The following BCL6B variants were observed in gnomAD, a reference collection of about 807,000 sequenced individuals.
The protein encoded by BCL6B is B-cell CLL/lymphoma 6 member B protein.
In BCL6B, 28 loss-of-function variants were observed where a neutral mutation model predicts 44.6. The observed-to-expected ratio is 0.63, with a 90% CI of 0.47 to 0.86. BCL6B has a LOEUF of 0.86. Ranked by LOEUF, BCL6B falls within the 40% of genes least tolerant of loss-of-function variation. The pLI, the probability that BCL6B is intolerant of heterozygous loss-of-function variation, is 0.00. For synonymous variants in BCL6B, 268 were observed against 263.6 expected (o/e 1.02, Z -0.16); for missense variants, 626 against 652.3 (o/e 0.96, Z 0.44).
chr17:7,027,228 G>C, intron 8 of BCL6B, 141 bp downstream of exon 8: 1 of 1,220,108 alleles, frequency 8.2e-7, no homozygotes, highest in Non-Finnish European at 1.1e-6. Context: ...CAAATAAGGG[G>C]TGGAGGCTGG....
Position 7,024,700 on chromosome 17 carries a change from CCAGCAGCAGCAG to C in BCL6B, c.720_731del (p.Ser241_Ser244del), listed in dbSNP as rs55799550. 4.5e-5 allele frequency: 65 copies of C among 1,458,674 alleles called. No homozygotes were observed. Among genetic ancestry groups the C allele is most frequent in the Non-Finnish European group, 5.0e-5 (53 of 1,056,934 alleles). 90.4% of individuals were successfully genotyped at this position (1,458,674 alleles called of 1,614,324 possible). A position where few individuals can be genotyped will look rare whatever the true frequency, so the allele number is the denominator to read the frequency against. Reference sequence around the variant, plus strand: ...AGGCTCCCCAGTGGAGACGAGGCCTCCAGCAGCAGCAGCAGCAGCAGCAGCAGCAGTGAAGAA... The same window carrying C: ...AGGCTCCCCAGTGGAGACGAGGCCTCCAGCAGCAGCAGCAGCAGTGAAGAA... On this transcript the variant is annotated inframe_deletion, in exon 4 of 9. Transcript: ENST00000293805. The surrounding 1 kb of genome is among the most constrained non-coding windows in gnomAD (Gnocchi z 6.6).
In BCL6B at chr17:7,028,951, G is replaced by A; in HGVS notation, c.*1332G>A. On this transcript the variant is annotated 3_prime_UTR_variant, in exon 9 of 9. Transcript: ENST00000293805. ...TTTCCTCTAGAAGGGATGGTGCTTG[G>A]TAACCTTACCTTTTAAAAGCTGGGT... 4.1e-6 allele frequency: 4 copies of A among 985,406 alleles called. No individual in the cohort carries two copies. Among genetic ancestry groups the A allele is most frequent in the Non-Finnish European group, 4.8e-6 (4 of 829,932 alleles). 61.0% of individuals were successfully genotyped at this position (985,406 alleles called of 1,614,324 possible).
At position 7,023,821 on chromosome 17, in the gene BCL6B, A is replaced by G; in HGVS notation, c.150A>G (p.Arg50=). The change falls in exon 2 of 9, where the codon AGA becomes AGG. Residue 50 remains arginine (R), a synonymous_variant. Coordinates refer to ENST00000293805, the MANE Select transcript of BCL6B (RefSeq NM_181844.4). ...TGCTGGTTGGCGGGCAACCCCTCAG[A>G]GCACACAAGGCAGTTCTCATCGCCT... ...VTLLVGGQPL[R]AHKAVLIACS... is the part of the protein sequence containing the mutation. 1 of 1,552,864 alleles carries G rather than the reference A, an allele frequency of 6.4e-7. No homozygotes were observed. The highest frequency in any genetic ancestry group is 8.7e-7 in the Non-Finnish European group (1 of 1,145,258).
At chr17:7,025,227 C>G in intron 5 of BCL6B, 27 bp downstream of exon 5, 3 of 1,613,086 alleles carry the variant, frequency 1.9e-6, no homozygotes. Flanking sequence ...CTTGGCTTTT[C>G]TCCCGTGACT....
At position 7,029,479 on chromosome 17, in the gene BCL6B, C is replaced by T. The variant is rs949109586; in HGVS notation, c.*1860C>T. ...CCCTCTTCCCTCTTTCTCCCCATGG[C>T]CCCACTGCAGAATTAAAGAAGGAAG... On this transcript the variant is annotated 3_prime_UTR_variant, in exon 9 of 9. Transcript: ENST00000293805. 31 of 1,049,178 alleles carry T rather than the reference C, an allele frequency of 3.0e-5. No homozygotes were observed. The African/African-American group carries it at 4.6e-4, about 16-fold the overall frequency. The allele number at this position is 1,049,178 out of a possible 1,614,324, so 65.0% of individuals were successfully genotyped here.
rs939280665 is a variant in BCL6B, at chr17:7,027,061, A to G, written c.1297A>G (p.Ile433Val). 1 of 1,613,990 alleles carries G rather than the reference A, an allele frequency of 6.2e-7. No individual in the cohort carries two copies. Residue 433 changes from isoleucine to valine, a missense_variant, in exon 8 of 9, where the codon ATC (isoleucine) becomes GTC (valine). Ile to Val is a conservative substitution (Grantham distance 29). Transcript: ENST00000293805. ...GCAGACCCTCAAGAGCCACGTTCGC[A>G]TCCACACCGGAGAGAAGCCTTACCA... ...HLQTLKSHVR[I>V]HTGEKPYHCD...
At chr17:7,026,363 CAGAA>C in intron 5 of BCL6B, 90 bp from the exon 6 acceptor site, 1 of 1,474,062 alleles carries the variant, frequency 6.8e-7, no homozygotes, top group Non-Finnish European at 9.2e-7. Flanking sequence ...AATTGGGAAA[CAGAA>C]AGCCTGCTAC....
chr17:7,025,983 G>C lies in BCL6B; in HGVS notation c.890-474G>C, dbSNP rs114764579. Among the ~76,000 whole-genome samples the C allele has an allele frequency of 5.7e-3, 864 of 152,078 alleles. 10 individuals are homozygous for C. The highest frequency in any genetic ancestry group is 0.02 in the African/African-American group (818 of 41,472). On this transcript the variant is annotated intron_variant, in intron 5 of 8. Coordinates refer to ENST00000293805, the MANE Select transcript of BCL6B (RefSeq NM_181844.4). ...TGTGGCCAGGCTGAAGTGCAGTGCC[G>C]CAATCTCGGTTCACTACAACCTCCA... is the stretch of plus-strand genomic sequence containing the variant.
Position 7,024,456 on chromosome 17 carries a change from C to T in BCL6B, c.457C>T (p.Pro153Ser). ...CCTGGAAGCAGAACCCCCAACACCCCCAACGGCCCCTCCACCAGGTAGTCC... is the reference window on the plus strand; with the variant it reads ...CCTGGAAGCAGAACCCCCAACACCCTCAACGGCCCCTCCACCAGGTAGTCC... ...RPLEAEPPTP[P>S]TAPPPGSPRR... Residue 153 changes from proline (P) to serine (S), a missense_variant, in exon 4 of 9, where the codon CCA becomes TCA. Physicochemically the swap from Pro to Ser is moderately conservative, Grantham distance 74 (BLOSUM62 -1). Coordinates refer to ENST00000293805, the MANE Select transcript of BCL6B (RefSeq NM_181844.4). This position sits in a 1 kb window ranked among gnomAD's most constrained non-coding sequence, Gnocchi z 6.6. The T allele has an allele frequency of 6.2e-7, 1 of 1,613,968 alleles. No individual in the cohort carries two copies. Among genetic ancestry groups the T allele is most frequent in the Non-Finnish European group, 8.5e-7 (1 of 1,179,962 alleles).
Position 7,025,137 on chromosome 17 carries a change from C to T in BCL6B, c.826C>T (p.Leu276Phe). ...KCGAPASTPYLLTSQAQDTSG... is the reference protein window; with the variant it reads ...KCGAPASTPYFLTSQAQDTSG... ...TGGGGCTCCAGCCAGTACCCCCTACCTCCTCACATCCCAGGCTCAAGACAC... is the reference window on the plus strand; with the variant it reads ...TGGGGCTCCAGCCAGTACCCCCTACTTCCTCACATCCCAGGCTCAAGACAC... The change falls in exon 5 of 9, where the codon CTC (leucine) becomes TTC (phenylalanine). Residue 276 changes from leucine (L) to phenylalanine (F), a missense_variant. Leu to Phe is a conservative substitution (Grantham distance 22). Transcript: ENST00000293805. 1 of 1,614,170 alleles carries T rather than the reference C, an allele frequency of 6.2e-7. No individual in the cohort carries two copies. The highest frequency in any genetic ancestry group is 8.5e-7 in the Non-Finnish European group (1 of 1,180,026).
chr17:7,027,115 G>A (rs752832864), intron 8 of BCL6B, 28 bp downstream of exon 8: 1 of 1,612,756 alleles, frequency 6.2e-7, no homozygotes, highest in Non-Finnish European at 8.5e-7. Context: ...CCTGCCCACT[G>A]CCTTAGAATT....
intron 5 of BCL6B, among the ~76,000 whole-genome samples, chr17:7,026,055 G>A (rs1910278885): frequency 6.6e-6 from 1 of 152,064 alleles, no homozygotes; most frequent in Non-Finnish European, 1.5e-5. Context: ...CCGAGTAGCT[G>A]GGACTACAGG....
Position 7,029,356 on chromosome 17 carries a change from GA to G in BCL6B, c.*1740del, listed in dbSNP as rs1910392117. The G allele has an allele frequency of 1.4e-5, 14 of 993,266 alleles. No individual in the cohort carries two copies. The highest frequency in any genetic ancestry group is 1.7e-5 in the Non-Finnish European group (14 of 835,380). The allele number at this position is 993,266 out of a possible 1,614,324, so 61.5% of individuals were successfully genotyped here. On this transcript the variant is annotated 3_prime_UTR_variant, in exon 9 of 9. Transcript: ENST00000293805. ...CTTATCTGATTATGGGACGAGGGTA[GA>G]AAGTAAGAAGCACTTTTGAATTTGT...
In BCL6B at chr17:7,024,851, A is replaced by G; in HGVS notation, c.764+88A>G. On this transcript the variant is annotated intron_variant, in intron 4 of 8. Transcript: ENST00000293805. This position sits in a 1 kb window ranked among gnomAD's most constrained non-coding sequence, Gnocchi z 6.6. Reference sequence around the variant, plus strand: ...GGGCCTTGATGGTCAGGAGGAAGGGAGATAGGTGGTGGGTTTCAGAGACAC... The same window carrying G: ...GGGCCTTGATGGTCAGGAGGAAGGGGGATAGGTGGTGGGTTTCAGAGACAC... The G allele has an allele frequency of 6.7e-7, 1 of 1,492,000 alleles. No individual in the cohort carries two copies. The highest frequency in any genetic ancestry group is 8.9e-7 in the Non-Finnish European group (1 of 1,122,990). The allele number at this position is 1,492,000 out of a possible 1,614,324, so 92.4% of individuals were successfully genotyped here.
In BCL6B at chr17:7,029,406, C is replaced by G. The variant is rs945370507; in HGVS notation, c.*1787C>G. 1 of 1,002,864 alleles carries G rather than the reference C, an allele frequency of 1.0e-6. No individual in the cohort carries two copies. Among genetic ancestry groups the G allele is most frequent in the Non-Finnish European group, 1.2e-6 (1 of 840,042 alleles). The allele number at this position is 1,002,864 out of a possible 1,614,324, so 62.1% of individuals were successfully genotyped here. On this transcript the variant is annotated 3_prime_UTR_variant, in exon 9 of 9. Transcript: ENST00000293805. Reference sequence around the variant, plus strand: ...GTGGGGTAGAACTTCAACAATAAGTCAGTTCTAGTGGCTGTCGCCTGGGGA... The same window carrying G: ...GTGGGGTAGAACTTCAACAATAAGTGAGTTCTAGTGGCTGTCGCCTGGGGA...
chr17:7,024,085 GCTT>G lies in BCL6B; in HGVS notation c.188_190del (p.Phe63del), dbSNP rs1329945825. 2 of 1,613,896 alleles carry G rather than the reference GCTT, an allele frequency of 1.2e-6. No individual in the cohort carries two copies. The highest frequency in any genetic ancestry group is 1.7e-6 in the Non-Finnish European group (2 of 1,179,974). ...GGACTTATCTGCTCTCTCTCTAGTG[GCTT>G]CTTCTATTCAATTTTCCGGGGCCGT... On this transcript the variant is annotated inframe_deletion, in exon 3 of 9. Coordinates refer to ENST00000293805, the MANE Select transcript of BCL6B (RefSeq NM_181844.4). The surrounding 1 kb of genome is among the most constrained non-coding windows in gnomAD (Gnocchi z 6.6).
In BCL6B at chr17:7,023,406, C is replaced by T; in HGVS notation, c.-12-254C>T. ...ACCCAGGGCGATGGGCGCGGGATTC[C>T]CCACGCTCGCCAACGACGCCGCGGT... On this transcript the variant is annotated intron_variant, in intron 1 of 8. Transcript: ENST00000293805. 3 of 481,586 alleles carry T rather than the reference C, an allele frequency of 6.2e-6. No individual in the cohort carries two copies. The South Asian group carries it at 9.0e-5, about 15-fold the overall frequency. 29.8% of individuals were successfully genotyped at this position (481,586 alleles called of 1,614,324 possible).
chr17:7,025,842 A>G (rs1910272766), intron 5 of BCL6B, among the ~76,000 whole-genome samples: 2 of 151,208 alleles, frequency 1.3e-5, no homozygotes, highest in Non-Finnish European at 1.5e-5. Context: ...GTCTCAAAAA[A>G]AAAAAAAAAA....
rs376351010 is a variant in BCL6B, at chr17:7,025,810, A to G, written c.889+610A>G. 7.8e-5 allele frequency among the ~76,000 whole-genome samples: 11 copies of G among 141,872 alleles called. 1 individual carries two copies. Among genetic ancestry groups the G allele is most frequent in the Admixed American group, 2.9e-4 (4 of 13,708 alleles). 93.1% of individuals were successfully genotyped at this position (141,872 alleles called of 152,430 possible). A position where few individuals can be genotyped will look rare whatever the true frequency, so the allele number is the denominator to read the frequency against. On this transcript the variant is annotated intron_variant, in intron 5 of 8. Coordinates refer to ENST00000293805, the MANE Select transcript of BCL6B (RefSeq NM_181844.4). ...CGAGATCACACCACTGCACTCCAGC[A>G]TAGGCAACACAGCAAGACTCTGTCT...
Sources: allele counts gnomAD v4.1 joint callset (sites outside exome capture counted in the v4.1 genomes callset), GRCh38; gene constraint gnomAD v4.1.1; non-coding constraint Gnocchi (gnomAD v3.1); transcripts MANE v1.5; gene names NCBI Gene and HGNC (gene_info 2026-07-23, HGNC 2026-07-21).